The following KCND2 variants were observed in gnomAD, a reference collection of about 807,000 sequenced individuals.
The protein encoded by KCND2 is A-type voltage-gated potassium channel KCND2.
Under a neutral mutation model 54.4 loss-of-function variants are expected in KCND2, and 16 were observed. That is an observed-to-expected ratio of 0.29 (90% CI 0.20 to 0.45). The LOEUF (loss-of-function observed/expected upper bound fraction) is 0.45. Among genes scored for constraint, KCND2 ranks in the 20% least tolerant of loss-of-function variants. The probability of loss-of-function intolerance (pLI) is 1.00; values close to 1 mark genes in which losing one functional copy is unlikely to be tolerated. For missense variants in KCND2, 486 were observed against 824.2 expected (o/e 0.59, Z 5.02); for synonymous variants, 317 against 310.7 (o/e 1.02, Z -0.21).
intron 1 of KCND2, among the ~76,000 whole-genome samples, chr7:120,335,355 C>CAA (rs35404512): frequency 0.11 from 6,669 of 58,346 alleles, 494 homozygotes; most frequent in African/African-American, 0.14. Flanking sequence ...AAGACTCTAT[C>CAA]AAAAAAAAAA....
At chr7:120,436,732 C>G (rs952869274) in intron 1 of KCND2, among the ~76,000 whole-genome samples, 2 of 152,164 alleles carry the variant, frequency 1.3e-5, no homozygotes, top group African/African-American at 2.4e-5. Context: ...TAGGTTGCCA[C>G]TGCAGCCTCC....
intron 1 of KCND2, among the ~76,000 whole-genome samples, chr7:120,364,865 G>A (rs1462056913): frequency 6.6e-6 from 1 of 152,034 alleles, no homozygotes; most frequent in Non-Finnish European, 1.5e-5. Context: ...AACTGTATTT[G>A]ACAAAGAATT....
chr7:120,578,310 A>G (rs1792465673), intron 1 of KCND2, among the ~76,000 whole-genome samples: 1 of 152,022 alleles, frequency 6.6e-6, no homozygotes, highest in Non-Finnish European at 1.5e-5. Flanking sequence ...ATAATAATAT[A>G]TTTTAGTTAA....
intron 1 of KCND2, among the ~76,000 whole-genome samples, chr7:120,582,621 C>G (rs1367608735): frequency 6.6e-6 from 1 of 152,110 alleles, no homozygotes; most frequent in Admixed American, 6.5e-5. Context: ...TTTCTCCATC[C>G]TCCCATTCCA....
chr7:120,625,832 AG>A, intron 1 of KCND2, among the ~76,000 whole-genome samples: 1 of 152,212 alleles, frequency 6.6e-6, no homozygotes. Flanking sequence ...GTGGTGATAT[AG>A]GTTTTATAGT....
intron 1 of KCND2, among the ~76,000 whole-genome samples, chr7:120,659,847 G>C (rs1432524703): frequency 1.3e-5 from 2 of 152,196 alleles, no homozygotes; most frequent in African/African-American, 4.8e-5. Context: ...TTTGTAATTA[G>C]TGTGTTTAGT....
intron 1 of KCND2, among the ~76,000 whole-genome samples, chr7:120,592,606 T>G (rs1412693135): frequency 1.3e-5 from 2 of 152,216 alleles, no homozygotes; most frequent in African/African-American, 4.8e-5. Context: ...TTGAAAAAGT[T>G]TTCTTTGACA....
chr7:120,274,716 G>A lies in KCND2; in HGVS notation c.84G>A (p.Pro28=), dbSNP rs773004768. ...GWMPVASGPM[P]APPRQERKRT... ...TGCCTGTGGCCTCGGGGCCTATGCC[G>A]GCTCCCCCGAGGCAGGAGAGGAAAA... The change falls in exon 1 of 6, where the codon CCG becomes CCA. Residue 28 remains proline (P), a synonymous_variant. Coordinates refer to ENST00000331113, the MANE Select transcript of KCND2 (RefSeq NM_012281.3). 3.7e-6 allele frequency: 6 copies of A among 1,613,940 alleles called. No homozygotes were observed. The highest frequency in any genetic ancestry group is 5.1e-6 in the Non-Finnish European group (6 of 1,179,968).
intron 1 of KCND2, among the ~76,000 whole-genome samples, chr7:120,279,367 CATAAT>C (rs1799227765): frequency 2.0e-5 from 3 of 151,988 alleles, no homozygotes; most frequent in Admixed American, 1.3e-4. Flanking sequence ...TCATATTACT[CATAAT>C]ATAAAACTTA....
intron 1 of KCND2, among the ~76,000 whole-genome samples, chr7:120,547,279 C>T (rs1167937888): frequency 6.6e-6 from 1 of 151,926 alleles, no homozygotes; most frequent in East Asian, 1.9e-4. Flanking sequence ...ATCCCTTGGG[C>T]TTGCATCATG....
At chr7:120,583,428 A>G (rs1303547080) in intron 1 of KCND2, among the ~76,000 whole-genome samples, 1 of 152,148 alleles carries the variant, frequency 6.6e-6, no homozygotes, top group Non-Finnish European at 1.5e-5. Context: ...TGTGTTTTAT[A>G]TTAGTTTGTT....
intron 1 of KCND2, among the ~76,000 whole-genome samples, chr7:120,723,792 T>C (rs1211090147): frequency 6.6e-6 from 1 of 152,176 alleles, no homozygotes; most frequent in African/African-American, 2.4e-5. Flanking sequence ...GTTTGTTAAG[T>C]ATGTGACCAT....
intron 1 of KCND2, among the ~76,000 whole-genome samples, chr7:120,443,074 ACAAC>A (rs1801965917): frequency 6.6e-6 from 1 of 152,000 alleles, no homozygotes; most frequent in Non-Finnish European, 1.5e-5. Flanking sequence ...CTAGTCATGA[ACAAC>A]CTAAGAAATG....
chr7:120,410,920 C>G (rs917085355), intron 1 of KCND2, among the ~76,000 whole-genome samples: 1 of 151,878 alleles, frequency 6.6e-6, no homozygotes, highest in Non-Finnish European at 1.5e-5. Flanking sequence ...TGTATATGTG[C>G]CACATTTTCT....
At chr7:120,478,051 T>C (rs1055227718) in intron 1 of KCND2, among the ~76,000 whole-genome samples, 1 of 152,218 alleles carries the variant, frequency 6.6e-6, no homozygotes, top group Non-Finnish European at 1.5e-5. Flanking sequence ...ATAATGTTAT[T>C]CTAACCATTC....
intron 1 of KCND2, among the ~76,000 whole-genome samples, chr7:120,348,923 G>T (rs974206903): frequency 6.6e-6 from 1 of 152,086 alleles, no homozygotes; most frequent in African/African-American, 2.4e-5. Flanking sequence ...AGTAGAGTAG[G>T]ATTTGCACAT....
intron 1 of KCND2, among the ~76,000 whole-genome samples, chr7:120,303,145 A>G (rs947458400): frequency 2.0e-5 from 3 of 152,202 alleles, no homozygotes; most frequent in Admixed American, 6.5e-5. Flanking sequence ...AGTCAAAATG[A>G]CTAGAAAAAC....
At chr7:120,401,330 G>C (rs1268977237) in intron 1 of KCND2, among the ~76,000 whole-genome samples, 1 of 152,120 alleles carries the variant, frequency 6.6e-6, no homozygotes, top group Non-Finnish European at 1.5e-5. Context: ...TTTCATGTTA[G>C]TAAATGGGAA....
At chr7:120,359,848 A>G (rs1156429013) in intron 1 of KCND2, among the ~76,000 whole-genome samples, 3 of 151,920 alleles carry the variant, frequency 2.0e-5, no homozygotes, top group Non-Finnish European at 4.4e-5. Flanking sequence ...TTCTCATGAG[A>G]TCTGAGGGTT....
Sources: allele counts gnomAD v4.1 joint callset (sites outside exome capture counted in the v4.1 genomes callset), GRCh38; gene constraint gnomAD v4.1.1; transcripts MANE v1.5; gene names NCBI Gene and HGNC (gene_info 2026-07-23, HGNC 2026-07-21).